Variants in MYO1F observed in about 807,000 individuals in gnomAD.
The protein encoded by MYO1F is myosin IF.
A neutral mutation model predicts 146.6 loss-of-function variants in MYO1F; 60 were observed. The observed-to-expected ratio is 0.41, with a 90% CI of 0.33 to 0.51. The LOEUF is 0.51. MYO1F is among the 20% of genes least tolerant of loss of function. The pLI is 0.25. For missense variants in MYO1F, 1,274 were observed against 1,534.3 expected (o/e 0.83, Z 2.83); for synonymous variants, 602 against 602.1 (o/e 1.00, Z 0.00).
Position 8,538,431 on chromosome 19 carries a change from C to T in MYO1F, c.1693-1376G>A, listed in dbSNP as rs1286851355. On this transcript the variant is annotated intron_variant, in intron 16 of 27. Coordinates refer to ENST00000644032, the MANE Select transcript of MYO1F (RefSeq NM_012335.4). ...TCAGCCTCCTGAGTAGCTGGGATTACAGGCATATGCTGGCTAAATTTTGTA... is the reference window on the plus strand; with the variant it reads ...TCAGCCTCCTGAGTAGCTGGGATTATAGGCATATGCTGGCTAAATTTTGTA... 2.0e-5 allele frequency among the ~76,000 whole-genome samples: 3 copies of T among 151,938 alleles called. No individual in the cohort carries two copies. The East Asian group carries it at 5.8e-4, about 29-fold the overall frequency.
In MYO1F at chr19:8,521,503, A is replaced by G. The variant is rs944922976; in HGVS notation, c.*25T>C. On this transcript the variant is annotated 3_prime_UTR_variant, in exon 28 of 28. Coordinates refer to ENST00000644032, the MANE Select transcript of MYO1F (RefSeq NM_012335.4). ...CGGCAGGCAGATAGGCGGGCGAAAGAGAAGGCAGTATCCCAGGGCCCAGCT... is the reference window on the plus strand; with the variant it reads ...CGGCAGGCAGATAGGCGGGCGAAAGGGAAGGCAGTATCCCAGGGCCCAGCT... 3 of 1,609,308 alleles carry G rather than the reference A, an allele frequency of 1.9e-6. No homozygotes were observed. The highest frequency in any genetic ancestry group is 2.7e-5 in the African/African-American group (2 of 74,850).
intron 4 of MYO1F, among the ~76,000 whole-genome samples, chr19:8,553,894 A>ACACACACACACACACACACCCTCTCT: frequency 9.7e-6 from 1 of 102,606 alleles, no homozygotes; most frequent in Admixed American, 1.1e-4. Context: ...ACACACACAC[A>ACACACACACACACACACACCCTCTCT]CTCTCTCTCT....
rs1042992108 is a variant in MYO1F at position 8,555,772 on chromosome 19, G to T, written c.28C>A (p.Gln10Lys). ...CCGCTCTGCTTCACGTTGTGGCTCT[G>T]CCAGTGGAAGCGCTCCTTGCTGCCC... MGSKERFHW[Q>K]SHNVKQSGVD... Residue 10 changes from glutamine to lysine, a missense_variant, in exon 2 of 28, where the codon CAG becomes AAG. Physicochemically the swap from Gln to Lys is moderately conservative, Grantham distance 53. Coordinates refer to ENST00000644032, the MANE Select transcript of MYO1F (RefSeq NM_012335.4). The T allele has an allele frequency of 3.7e-6, 6 of 1,613,652 alleles. No individual in the cohort carries two copies. Among genetic ancestry groups the T allele is most frequent in the Non-Finnish European group, 5.1e-6 (6 of 1,179,990 alleles).
chr19:8,563,276 A>G (rs926241912), intron 1 of MYO1F, among the ~76,000 whole-genome samples: 2 of 141,098 alleles, frequency 1.4e-5, no homozygotes, highest in Admixed American at 1.5e-4. Flanking sequence ...TATAGGCATG[A>G]GCCACTGTGC....
intron 1 of MYO1F, among the ~76,000 whole-genome samples, chr19:8,573,279 C>G (rs139061910): frequency 6.6e-6 from 1 of 152,120 alleles, no homozygotes; most frequent in Non-Finnish European, 1.5e-5. Context: ...CCACTGCACT[C>G]CATCCTGGGT....
In MYO1F at chr19:8,577,093, C is replaced by A. The variant is rs1310831898; in HGVS notation, c.3+214G>T. 3.1e-6 allele frequency: 2 copies of A among 650,148 alleles called. No individual in the cohort carries two copies. Among genetic ancestry groups the A allele is most frequent in the East Asian group, 5.4e-5 (2 of 36,828 alleles). The allele number at this position is 650,148 out of a possible 1,614,324, so 40.3% of individuals were successfully genotyped here. On this transcript the variant is annotated intron_variant, in intron 1 of 27. Transcript: ENST00000644032. This position sits in a 1 kb window ranked among gnomAD's most constrained non-coding sequence, Gnocchi z 4.3. Reference sequence around the variant, plus strand: ...TGCCCTATCCTTGGATCCAGGGATACCACCCTGGCATCCCCACCACCTACA... The same window carrying A: ...TGCCCTATCCTTGGATCCAGGGATAACACCCTGGCATCCCCACCACCTACA...
rs148802802 is a variant in MYO1F, at chr19:8,539,843, TAGAC to T, written c.1692+100_1692+103del. 2.2e-3 allele frequency: 2,235 copies of T among 1,019,776 alleles called. 58 individuals carry two copies. In the East Asian group the frequency reaches 0.051, roughly 23 times the overall value. 63.2% of individuals were successfully genotyped at this position (1,019,776 alleles called of 1,614,324 possible). ...TCAGAGGCAGAAGCCCCAGGATTGG[TAGAC>T]AGACAGACGTTGGAATGAGAGAAAC... On this transcript the variant is annotated intron_variant, in intron 16 of 27. Coordinates refer to ENST00000644032, the MANE Select transcript of MYO1F (RefSeq NM_012335.4).
At chr19:8,542,175 G>C (rs1973005638) in intron 14 of MYO1F, among the ~76,000 whole-genome samples, 184 bp from the exon 15 acceptor site, 3 of 151,390 alleles carry the variant, frequency 2.0e-5, no homozygotes, top group Admixed American at 1.3e-4. Context: ...ATGGGGGGCG[G>C]GCTTCCTGGA....
At chr19:8,571,911 G>A (rs895417068) in intron 1 of MYO1F, among the ~76,000 whole-genome samples, 5 of 151,974 alleles carry the variant, frequency 3.3e-5, no homozygotes, top group Admixed American at 2.6e-4. Context: ...TATTTTTAGA[G>A]ACGGGGTTTC....
chr19:8,535,070 C>T (rs973448460), intron 19 of MYO1F, among the ~76,000 whole-genome samples: 1 of 151,934 alleles, frequency 6.6e-6, no homozygotes, highest in Non-Finnish European at 1.5e-5. Context: ...CACCACCACG[C>T]CCAGCTAATT....
At position 8,527,390 on chromosome 19, in the gene MYO1F, C is replaced by T; in HGVS notation, c.2422G>A (p.Glu808Lys). The T allele has an allele frequency of 3.7e-6, 6 of 1,614,168 alleles. No homozygotes were observed. The highest frequency in any genetic ancestry group is 1.1e-5 in the South Asian group (1 of 91,082). ...KKGPEKGQVC[E>K]VLKKKVDIQA... is the part of the protein sequence containing the mutation. Reference sequence around the variant, plus strand: ...ATGTCCACTTTCTTCTTCAAGACTTCACACACCTGGCCCTTCTCAGGTCCC... The same window carrying T: ...ATGTCCACTTTCTTCTTCAAGACTTTACACACCTGGCCCTTCTCAGGTCCC... Residue 808 changes from glutamate (E) to lysine (K), a missense_variant, in exon 22 of 28, where the codon GAA (glutamate) becomes AAA (lysine). Physicochemically the swap from Glu to Lys is moderately conservative, Grantham distance 56. Coordinates refer to ENST00000644032, the MANE Select transcript of MYO1F (RefSeq NM_012335.4).
At chr19:8,536,923 A>G (rs747278790) in intron 17 of MYO1F, 26 bp downstream of exon 17, 9 of 1,257,052 alleles carry the variant, frequency 7.2e-6, no homozygotes, top group Non-Finnish European at 8.4e-6. Flanking sequence ...GGGGGAATGA[A>G]TCTTGGATTG....
chr19:8,530,131 C>T lies in MYO1F; in HGVS notation c.2328+65G>A, dbSNP rs1972419880. ...GATATCTGGCTGTGGGCAGGTGCAT[C>T]TGGGCCAGGTGAGGGTGCCAGGCTG... is the stretch of plus-strand genomic sequence containing the variant. On this transcript the variant is annotated intron_variant, in intron 21 of 27. Coordinates refer to ENST00000644032, the MANE Select transcript of MYO1F (RefSeq NM_012335.4). The surrounding 1 kb of genome is among the most constrained non-coding windows in gnomAD (Gnocchi z 5.8). The T allele has an allele frequency of 1.2e-6, 2 of 1,604,018 alleles. No homozygotes were observed. The highest frequency in any genetic ancestry group is 2.7e-5 in the African/African-American group (2 of 74,680).
intron 1 of MYO1F, among the ~76,000 whole-genome samples, chr19:8,559,598 G>T (rs1973992799): frequency 1.3e-5 from 2 of 152,030 alleles, no homozygotes; most frequent in South Asian, 4.1e-4. Flanking sequence ...TGGGAGGCTG[G>T]TGCCCCTCCC....
At chr19:8,574,530 C>CTTT (rs2042167695) in intron 1 of MYO1F, among the ~76,000 whole-genome samples, 3 of 118,994 alleles carry the variant, frequency 2.5e-5, no homozygotes, top group East Asian at 2.4e-4. Flanking sequence ...TTCTTTTTTC[C>CTTT]CTTTCTTTCT....
chr19:8,522,214 G>A (rs1041857840), intron 27 of MYO1F, among the ~76,000 whole-genome samples, 163 bp downstream of exon 27: 4 of 152,070 alleles, frequency 2.6e-5, no homozygotes, highest in South Asian at 4.1e-4. Flanking sequence ...AGTAGAGACG[G>A]GGTTTCACTG....
chr19:8,525,430 T>G (rs369709402), intron 25 of MYO1F, 49 bp downstream of exon 25: 1 of 1,520,330 alleles, frequency 6.6e-7, no homozygotes, highest in Non-Finnish European at 9.1e-7. Context: ...GCTTAGGCCA[T>G]GGGACCCACA....
chr19:8,528,878 G>C (rs1354066407), intron 21 of MYO1F, among the ~76,000 whole-genome samples: 1 of 152,174 alleles, frequency 6.6e-6, no homozygotes, highest in African/African-American at 2.4e-5. Flanking sequence ...CAGGAAGGCA[G>C]GTGAGGGTGT....
chr19:8,565,768 A>C (rs1447315362), intron 1 of MYO1F, among the ~76,000 whole-genome samples: 1 of 151,496 alleles, frequency 6.6e-6, no homozygotes, highest in African/African-American at 2.4e-5. Flanking sequence ...TTGGATGGAA[A>C]TAACAACAAT....
Sources: allele counts gnomAD v4.1 joint callset (sites outside exome capture counted in the v4.1 genomes callset), GRCh38; gene constraint gnomAD v4.1.1; non-coding constraint Gnocchi (gnomAD v3.1); transcripts MANE v1.5; gene names NCBI Gene and HGNC (gene_info 2026-07-23, HGNC 2026-07-21).